Variants in CCDC106 observed in about 807,000 individuals in gnomAD.
The protein encoded by CCDC106 is coiled-coil domain containing 106, also known as coiled-coil domain-containing protein 106.
In CCDC106, 17 loss-of-function variants were observed where a neutral mutation model predicts 24.7. The ratio of observed to expected loss-of-function variants is 0.69; its 90% CI spans 0.47 to 1.03. The LOEUF (loss-of-function observed/expected upper bound fraction) is 1.03. Among genes scored for constraint, CCDC106 ranks in the 50% least tolerant of loss-of-function variants. CCDC106 has a pLI of 0.00. For synonymous variants in CCDC106, 211 were observed against 161.3 expected (o/e 1.31, Z -2.34); for missense variants, 337 against 388.9 (o/e 0.87, Z 1.12).
chr19:55,651,451 G>C lies in CCDC106; in HGVS notation c.482G>C (p.Ser161Thr). 1 of 1,600,598 alleles carries C rather than the reference G, an allele frequency of 6.2e-7. No homozygotes were observed. The highest frequency in any genetic ancestry group is 8.5e-7 in the Non-Finnish European group (1 of 1,174,632). Residue 161 changes from serine (S) to threonine (T), a missense_variant, in exon 4 of 5, where the codon AGT becomes ACT. This residue lies in a region of CCDC106 where 234 missense variants were observed against 236.5 expected (regional missense o/e 0.99). Transcript: ENST00000586790. ...RRRQKQKGGASRRRFGKPKAR... is the reference protein window; with the variant it reads ...RRRQKQKGGATRRRFGKPKAR... ...CGGCAGAAGCAGAAGGGAGGTGCTA[G>C]TCGGAGGCGCTTTGGGAAGCCCAAG...
intron 4 of CCDC106, among the ~76,000 whole-genome samples, 200 bp downstream of exon 4, chr19:55,651,695 G>A (rs556607751): frequency 1.3e-4 from 20 of 151,140 alleles, no homozygotes; most frequent in Middle Eastern, 3.4e-3. Context: ...GTCTTGCCCC[G>A]TCGCCCAGGC....
Position 55,652,605 on chromosome 19 carries a change from C to T in CCDC106, c.702C>T (p.Gly234=). Residue 234 remains glycine, a synonymous_variant, in exon 5 of 5, where the codon GGC becomes GGT. Coordinates refer to ENST00000586790, the MANE Select transcript of CCDC106 (RefSeq NM_001370470.1). This position sits in a 1 kb window ranked among gnomAD's most constrained non-coding sequence, Gnocchi z 5.9. Reference sequence around the variant, plus strand: ...CCCCCGAGAAGCTGGCCGAGGTGGGCGAGTTCGACCCCTCCAAGGAGCGCC... The same window carrying T: ...CCCCCGAGAAGCTGGCCGAGGTGGGTGAGTTCGACCCCTCCAAGGAGCGCC... ...IVAPEKLAEV[G]EFDPSKERLL... is the part of the protein sequence containing the mutation. 2 of 1,613,130 alleles carry T rather than the reference C, an allele frequency of 1.2e-6. No individual in the cohort carries two copies. Among genetic ancestry groups the T allele is most frequent in the Non-Finnish European group, 1.7e-6 (2 of 1,179,884 alleles).
At chr19:55,651,672 T>C (rs547801240) in intron 4 of CCDC106, among the ~76,000 whole-genome samples, 177 bp downstream of exon 4, 1 of 151,738 alleles carries the variant, frequency 6.6e-6, no homozygotes, top group African/African-American at 2.4e-5. Flanking sequence ...TTTTTTTTTT[T>C]GGCGGGGGGG....
rs776835531 is a variant in CCDC106 at position 55,649,196 on chromosome 19, C to T, written c.32-9C>T. 2.0e-5 allele frequency: 32 copies of T among 1,612,932 alleles called. No homozygotes were observed. The highest frequency in any genetic ancestry group is 2.5e-5 in the Non-Finnish European group (29 of 1,178,996). On this transcript the variant is annotated splice_polypyrimidine_tract_variant and intron_variant, in intron 1 of 4. Transcript: ENST00000586790. Reference sequence around the variant, plus strand: ...TTCTCTGGGGTAACCCGGGGCCTCTCCTCTCCAGTGAAGGACGATGAGACC... The same window carrying T: ...TTCTCTGGGGTAACCCGGGGCCTCTTCTCTCCAGTGAAGGACGATGAGACC...
chr19:55,650,053 TC>T (rs145611277), intron 3 of CCDC106, among the ~76,000 whole-genome samples: 1 of 151,690 alleles, frequency 6.6e-6, no homozygotes, highest in Non-Finnish European at 1.5e-5. Flanking sequence ...CCTCCTCCTG[TC>T]CCCCCCTCCC....
Position 55,649,312 on chromosome 19 carries a change from G to A in CCDC106, c.136+3G>A. On this transcript the variant is annotated splice_donor_region_variant and intron_variant, in intron 2 of 4. Transcript: ENST00000586790. ...CCCCTCTCGGAGAAACTTCGAGGGT[G>A]AGCTGAGGGGGTGTGGAGGGACTGG... The A allele has an allele frequency of 6.2e-7, 1 of 1,613,686 alleles. No individual in the cohort carries two copies. Among genetic ancestry groups the A allele is most frequent in the Admixed American group, 1.7e-5 (1 of 60,022 alleles).
chr19:55,649,187 G>A lies in CCDC106; in HGVS notation c.32-18G>A. The A allele has an allele frequency of 6.2e-7, 1 of 1,610,028 alleles. No individual in the cohort carries two copies. Among genetic ancestry groups the A allele is most frequent in the Non-Finnish European group, 8.5e-7 (1 of 1,176,296 alleles). On this transcript the variant is annotated intron_variant, in intron 1 of 4. Transcript: ENST00000586790. ...CCCGGGGAATTCTCTGGGGTAACCC[G>A]GGGCCTCTCCTCTCCAGTGAAGGAC...
At position 55,652,761 on chromosome 19, in the gene CCDC106, C is replaced by T. The variant is rs1311037115; in HGVS notation, c.*15C>T. On this transcript the variant is annotated 3_prime_UTR_variant, in exon 5 of 5. Transcript: ENST00000586790. This position sits in a 1 kb window ranked among gnomAD's most constrained non-coding sequence, Gnocchi z 5.9. ...TCAAGCGGTGATCGCACCACGCCTC[C>T]GCGCCTCCACCCGGGCCTTCCTCCC... is the stretch of plus-strand genomic sequence containing the variant. The T allele has an allele frequency of 2.5e-6, 4 of 1,593,276 alleles. No individual in the cohort carries two copies. Among genetic ancestry groups the T allele is most frequent in the Admixed American group, 1.7e-5 (1 of 59,108 alleles).
intron 4 of CCDC106, among the ~76,000 whole-genome samples, chr19:55,651,762 C>T (rs187461235): frequency 5.1e-4 from 78 of 152,146 alleles, no homozygotes; most frequent in African/African-American, 1.5e-3. Context: ...CCCGGGTCCA[C>T]GCCATTCTCC....
Position 55,649,017 on chromosome 19 carries a change from C to T in CCDC106, c.-30C>T, listed in dbSNP as rs774101976. The T allele has an allele frequency of 2.9e-5, 46 of 1,611,702 alleles. 2 individuals are homozygous for T. The South Asian group carries it at 4.2e-4, about 15-fold the overall frequency. ...TTCTGTCCAGTGCCCCTGAGGCCCT[C>T]GGCTGCTGGGGTCCGTAGGAAGCCG... On this transcript the variant is annotated 5_prime_UTR_variant, in exon 1 of 5. Coordinates refer to ENST00000586790, the MANE Select transcript of CCDC106 (RefSeq NM_001370470.1).
rs200256103 is a variant in CCDC106 at position 55,651,395 on chromosome 19, G to T, written c.426G>T (p.Ala142=). The change falls in exon 4 of 5, where the codon GCG becomes GCT. Residue 142 remains alanine (A), a synonymous_variant. Transcript: ENST00000586790. The stretch of plus-strand genomic sequence containing the variant: ...CAGCAGCCTCCTCCCTCAGCGGAGC[G>T]TCCGAAGAAGGCAGCGCCAGTGAGA... The part of the protein sequence containing the change: ...PESAASSLSG[A]SEEGSASERR... The T allele has an allele frequency of 1.2e-6, 2 of 1,611,474 alleles. No individual in the cohort carries two copies. The highest frequency in any genetic ancestry group is 1.7e-6 in the Non-Finnish European group (2 of 1,179,004).
intron 3 of CCDC106, among the ~76,000 whole-genome samples, chr19:55,651,021 A>G (rs1250215181): frequency 6.6e-6 from 1 of 152,158 alleles, no homozygotes; most frequent in Non-Finnish European, 1.5e-5. Context: ...AGGGGTCCTG[A>G]GGCCCCTGGT....
intron 3 of CCDC106, 52 bp from the exon 4 acceptor site, chr19:55,651,231 T>G: frequency 7.3e-7 from 1 of 1,368,884 alleles, no homozygotes; most frequent in Non-Finnish European, 1.0e-6. Context: ...TCCCGGGACC[T>G]GTGATGGGAT....
chr19:55,651,275 C>T lies in CCDC106; in HGVS notation c.314-8C>T. The T allele has an allele frequency of 6.2e-7, 1 of 1,604,670 alleles. No homozygotes were observed. Among genetic ancestry groups the T allele is most frequent in the South Asian group, 1.1e-5 (1 of 90,918 alleles). On this transcript the variant is annotated splice_region_variant and splice_polypyrimidine_tract_variant and intron_variant, in intron 3 of 4. Coordinates refer to ENST00000586790, the MANE Select transcript of CCDC106 (RefSeq NM_001370470.1). ...CCTTGGTTCATGTGTGTGTCTCCAT[C>T]TCCCCAGAGGACCACTGCCGGATGA...
At position 55,652,682 on chromosome 19, in the gene CCDC106, A is replaced by G. The variant is rs767137482; in HGVS notation, c.779A>G (p.Lys260Arg). ...CFLALDDETLKKVQALKKSKL... is the reference protein window; with the variant it reads ...CFLALDDETLRKVQALKKSKL... The stretch of plus-strand genomic sequence containing the variant: ...CTGGCCCTGGACGACGAGACGCTCA[A>G]GAAGGTGCAGGCGCTCAAGAAGAGC... Residue 260 changes from lysine to arginine, a missense_variant, in exon 5 of 5, where the codon AAG becomes AGG. Lys to Arg is a conservative substitution (Grantham distance 26). Coordinates refer to ENST00000586790, the MANE Select transcript of CCDC106 (RefSeq NM_001370470.1). This position sits in a 1 kb window ranked among gnomAD's most constrained non-coding sequence, Gnocchi z 5.9. 4 of 1,613,084 alleles carry G rather than the reference A, an allele frequency of 2.5e-6. No individual in the cohort carries two copies. Among genetic ancestry groups the G allele is most frequent in the Non-Finnish European group, 3.4e-6 (4 of 1,179,910 alleles).
At chr19:55,649,178 G>A in intron 1 of CCDC106, 27 bp from the exon 2 acceptor site, 1 of 1,609,970 alleles carries the variant, frequency 6.2e-7, no homozygotes. Flanking sequence ...GAATTCTCTG[G>A]GGTAACCCGG....
chr19:55,649,203 A>G lies in CCDC106; in HGVS notation c.32-2A>G, dbSNP rs749095069. 1.9e-6 allele frequency: 3 copies of G among 1,612,986 alleles called. No individual in the cohort carries two copies. Among genetic ancestry groups the G allele is most frequent in the Admixed American group, 1.7e-5 (1 of 60,004 alleles). On this transcript the variant is annotated splice_acceptor_variant, in intron 1 of 4. Coordinates refer to ENST00000586790, the MANE Select transcript of CCDC106 (RefSeq NM_001370470.1). LOFTEE classifies it high-confidence loss of function. ...GGGTAACCCGGGGCCTCTCCTCTCC[A>G]GTGAAGGACGATGAGACCTTCGAGA... is the stretch of plus-strand genomic sequence containing the variant.
chr19:55,651,001 G>C (rs556369035), intron 3 of CCDC106, among the ~76,000 whole-genome samples: 1 of 152,124 alleles, frequency 6.6e-6, no homozygotes, highest in Non-Finnish European at 1.5e-5. Context: ...TGGGAACCGC[G>C]CATAGTCACA....
rs1199542089 is a variant in CCDC106 at position 55,648,704 on chromosome 19, C to T, written c.-343C>T. The T allele has an allele frequency of 2.4e-6, 1 of 422,868 alleles. No individual in the cohort carries two copies. Among genetic ancestry groups the T allele is most frequent in the Non-Finnish European group, 4.3e-6 (1 of 233,880 alleles). The allele number at this position is 422,868 out of a possible 1,614,324, so 26.2% of individuals were successfully genotyped here. On this transcript the variant is annotated 5_prime_UTR_variant, in exon 1 of 5. Coordinates refer to ENST00000586790, the MANE Select transcript of CCDC106 (RefSeq NM_001370470.1). ...GCTAGGTGTCCCTGGTCAGGCGACC[C>T]CTTGGGGCACCCAGCAATTTAGGGC...
Sources: gnomAD v4.1 joint callset for allele counts (sites outside exome capture counted in the v4.1 genomes callset) on GRCh38, gnomAD v4.1.1 for gene constraint, gnomAD v4.1.1 regional missense constraint, Gnocchi (gnomAD v3.1) non-coding constraint, MANE v1.5 for transcripts, NCBI Gene and HGNC (gene_info 2026-07-23, HGNC 2026-07-21) for gene names.